Variants in NECAB1 observed in about 807,000 individuals in gnomAD.
NECAB1 encodes the protein N-terminal EF-hand calcium-binding protein 1.
A neutral mutation model predicts 57.5 loss-of-function variants in NECAB1; 29 were observed. The observed-to-expected ratio is 0.50, with a 90% confidence interval of 0.38 to 0.69. The LOEUF (loss-of-function observed/expected upper bound fraction) is 0.69. Among genes scored for constraint, NECAB1 ranks in the 30% least tolerant of loss-of-function variants. The pLI is 0.00. For synonymous variants in NECAB1, 142 were observed against 147.7 expected, an observed-to-expected ratio of 0.96 and a Z score of 0.28; for missense variants, 372 against 413.8, an observed-to-expected ratio of 0.90 and a Z score of 0.88.
intron 2 of NECAB1, chr8:90,806,328 T>C (rs1213286043): frequency 6.6e-6 from 1 of 152,206 alleles, no homozygotes; most frequent in Non-Finnish European, 1.5e-5. Flanking sequence ...CTATTTCACA[T>C]ACCCCCAGGT....
At chr8:90,869,711 T>C (rs1160111747) in intron 3 of NECAB1, among the ~76,000 whole-genome samples, 1 of 152,202 alleles carries the variant, frequency 6.6e-6, no homozygotes, top group Non-Finnish European at 1.5e-5. Context: ...AGTAATTTGT[T>C]TTTGATTTTA....
intron 4 of NECAB1, chr8:90,872,489 T>C (rs1247612037): frequency 5.4e-6 from 1 of 184,124 alleles, no homozygotes; most frequent in Non-Finnish European, 1.1e-5. Context: ...TGATATATTG[T>C]GCAGAGCCTT....
intron 5 of NECAB1, among the ~76,000 whole-genome samples, chr8:90,886,735 A>G (rs1484943151): frequency 1.3e-5 from 2 of 152,040 alleles, no homozygotes; most frequent in African/African-American, 4.8e-5. Flanking sequence ...CCGTGTTTGC[A>G]TAAGTTTTAT....
chr8:90,818,666 T>G (rs1270498217), intron 2 of NECAB1, among the ~76,000 whole-genome samples: 1 of 152,018 alleles, frequency 6.6e-6, no homozygotes, highest in Non-Finnish European at 1.5e-5. Flanking sequence ...ATTTCCTCTT[T>G]GTCTTTGGTA....
chr8:90,826,495 T>A (rs1016345381), intron 3 of NECAB1, among the ~76,000 whole-genome samples: 1 of 151,952 alleles, frequency 6.6e-6, no homozygotes, highest in South Asian at 2.1e-4. Flanking sequence ...TTTACTGGGA[T>A]ATGATGCTTT....
chr8:90,944,265 A>T (rs901169042), intron 10 of NECAB1, among the ~76,000 whole-genome samples: 3 of 152,222 alleles, frequency 2.0e-5, no homozygotes, highest in African/African-American at 7.2e-5. Context: ...TCCAATTACA[A>T]CAAGGTCTTG....
At chr8:90,882,431 A>C (rs1161705575) in intron 5 of NECAB1, among the ~76,000 whole-genome samples, 1 of 152,136 alleles carries the variant, frequency 6.6e-6, no homozygotes, top group African/African-American at 2.4e-5. Flanking sequence ...GAGAGAAAAA[A>C]AAAAAGGAAA....
At chr8:90,947,668 T>C (rs1022883492) in intron 10 of NECAB1, among the ~76,000 whole-genome samples, 11 of 152,220 alleles carry the variant, frequency 7.2e-5, no homozygotes, top group Non-Finnish European at 1.0e-4. Flanking sequence ...CCCAAAGTGC[T>C]GGGATTACAG....
chr8:90,862,741 A>T (rs1808424619), intron 3 of NECAB1, among the ~76,000 whole-genome samples: 1 of 151,048 alleles, frequency 6.6e-6, no homozygotes, highest in Non-Finnish European at 1.5e-5. Flanking sequence ...GTAGATTGGA[A>T]GAAATTCTAT....
chr8:90,819,479 C>T (rs1391560204), intron 2 of NECAB1, among the ~76,000 whole-genome samples: 1 of 151,898 alleles, frequency 6.6e-6, no homozygotes, highest in Non-Finnish European at 1.5e-5. Context: ...TTAATGTTTG[C>T]TCTAGTGGTA....
chr8:90,884,526 G>A (rs1018137686), intron 5 of NECAB1, among the ~76,000 whole-genome samples: 7 of 151,940 alleles, frequency 4.6e-5, no homozygotes, highest in South Asian at 2.1e-4. Context: ...CTTGTTTTAG[G>A]CAAAATATCC....
chr8:90,939,615 C>T (rs1165190587), intron 9 of NECAB1, among the ~76,000 whole-genome samples: 3 of 152,156 alleles, frequency 2.0e-5, no homozygotes, highest in Admixed American at 1.3e-4. Flanking sequence ...TTAGTAATCA[C>T]AAATGTCCAA....
Position 90,956,302 on chromosome 8 carries a change from A to T in NECAB1, c.*790A>T, listed in dbSNP as rs1364581602. 1 of 152,056 alleles carries T rather than the reference A, an allele frequency of 6.6e-6. No homozygotes were observed. Among genetic ancestry groups the T allele is most frequent in the East Asian group, 1.9e-4 (1 of 5,204 alleles). 9.4% of individuals were successfully genotyped at this position (152,056 alleles called of 1,614,324 possible). Reference sequence around the variant, plus strand: ...GTTTTGGTATGCGATACAGACAGCTAACTTTTCTTATGAAAAATACATATT... The same window carrying T: ...GTTTTGGTATGCGATACAGACAGCTTACTTTTCTTATGAAAAATACATATT... On this transcript the variant is annotated 3_prime_UTR_variant, in exon 13 of 13. Transcript: ENST00000417640.
Position 90,959,055 on chromosome 8 carries a change from T to C in NECAB1, c.*3543T>C. On this transcript the variant is annotated 3_prime_UTR_variant, in exon 13 of 13. Coordinates refer to ENST00000417640, the MANE Select transcript of NECAB1 (RefSeq NM_022351.5). ...CCTGTAATATAAAAGAAAAAGTTAATTTATCAATTGATTGAATACAGTTTT... is the reference window on the plus strand; with the variant it reads ...CCTGTAATATAAAAGAAAAAGTTAACTTATCAATTGATTGAATACAGTTTT... The C allele has an allele frequency of 1.8e-6, 2 of 1,131,104 alleles. No individual in the cohort carries two copies. Among genetic ancestry groups the C allele is most frequent in the Non-Finnish European group, 2.5e-6 (2 of 803,046 alleles). The allele number at this position is 1,131,104 out of a possible 1,614,324, so 70.1% of individuals were successfully genotyped here.
chr8:90,872,291 G>A, intron 4 of NECAB1, 138 bp downstream of exon 4: 1 of 677,948 alleles, frequency 1.5e-6, no homozygotes, highest in Non-Finnish European at 2.3e-6. Context: ...GATCTCAAGG[G>A]ATTTATCTTT....
intron 10 of NECAB1, among the ~76,000 whole-genome samples, chr8:90,943,385 A>G (rs143121401): frequency 7.7e-4 from 118 of 152,300 alleles, no homozygotes; most frequent in African/African-American, 2.7e-3. Flanking sequence ...CTTTTACTGG[A>G]ATTATCAAAA....
At chr8:90,932,314 C>T (rs1810431053) in intron 8 of NECAB1, among the ~76,000 whole-genome samples, 1 of 152,090 alleles carries the variant, frequency 6.6e-6, no homozygotes. Context: ...TTCATTTATT[C>T]TACATTTATT....
In NECAB1 at chr8:90,846,842, C is replaced by T. The variant is rs140845190; in HGVS notation, c.233+22017C>T. Among the ~76,000 whole-genome samples the T allele has an allele frequency of 5.7e-3, 870 of 152,208 alleles. 11 individuals are homozygous for T. Among genetic ancestry groups the T allele is most frequent in the African/African-American group, 0.019 (794 of 41,534 alleles). ...ATGAGAACAGCATGGGAAAAACCTG[C>T]CCCCAATGATTCAATTACCTCCCAC... On this transcript the variant is annotated intron_variant, in intron 3 of 12. Coordinates refer to ENST00000417640, the MANE Select transcript of NECAB1 (RefSeq NM_022351.5).
At chr8:90,946,588 G>T (rs1810809001) in intron 10 of NECAB1, among the ~76,000 whole-genome samples, 2 of 152,276 alleles carry the variant, frequency 1.3e-5, no homozygotes, top group South Asian at 4.1e-4. Context: ...CAATCTCAAG[G>T]TTCTTCTACA....
Sources: allele counts gnomAD v4.1 joint callset (sites outside exome capture counted in the v4.1 genomes callset), GRCh38; gene constraint gnomAD v4.1.1; transcripts MANE v1.5; gene names NCBI Gene and HGNC (gene_info 2026-07-23, HGNC 2026-07-21).